ARL5C: variants seen among roughly 807,000 people sequenced by gnomAD.
ARL5C encodes the protein ARF like GTPase 5C.
Under a neutral mutation model 20.8 loss-of-function variants are expected in ARL5C, and 21 were observed. That is an observed-to-expected ratio of 1.01 (90% CI 0.72 to 1.46). The LOEUF (loss-of-function observed/expected upper bound fraction) is 1.46. ARL5C is among the 40% of genes most tolerant of loss of function. The probability of loss-of-function intolerance (pLI) is 0.00; values close to 1 mark genes in which losing one functional copy is unlikely to be tolerated. For missense variants in ARL5C, 199 were observed against 225.1 expected, an observed-to-expected ratio of 0.88 and a Z score of 0.74; for synonymous variants, 71 against 81.6, an observed-to-expected ratio of 0.87 and a Z score of 0.70.
chr17:39,158,925 GC>G lies in ARL5C; in HGVS notation c.491+1665del, dbSNP rs576353366. ...ACTCCTGGCCCCAAGCCATCCTCCT[GC>G]CTCAGACTCTCCAGTAGCTAGAACT... On this transcript the variant is annotated intron_variant, in intron 5 of 5. Coordinates refer to ENST00000269586, the MANE Select transcript of ARL5C (RefSeq NM_001143968.1). 5.8e-4 allele frequency among the ~76,000 whole-genome samples: 87 copies of G among 149,616 alleles called. 1 individual carries two copies. Among genetic ancestry groups the G allele is most frequent in the Middle Eastern group, 3.6e-3 (1 of 280 alleles).
intron 5 of ARL5C, among the ~76,000 whole-genome samples, chr17:39,160,024 T>C (rs1260305064): frequency 6.6e-6 from 1 of 152,122 alleles, no homozygotes; most frequent in Non-Finnish European, 1.5e-5. Flanking sequence ...ATTCTTCACA[T>C]CACTTCTCAG....
At chr17:39,161,425 C>G in intron 3 of ARL5C, 74 bp from the exon 4 acceptor site, 1 of 1,330,802 alleles carries the variant, frequency 7.5e-7, no homozygotes, top group Admixed American at 2.0e-5. Flanking sequence ...CTTTCTTTCC[C>G]CACTGGTCTC....
chr17:39,165,642 G>T, intron 1 of ARL5C, 73 bp downstream of exon 1: 2 of 1,541,252 alleles, frequency 1.3e-6, no homozygotes, highest in South Asian at 1.2e-5. Flanking sequence ...CCGTGCGTCC[G>T]ACCACAGATC....
Position 39,166,088 on chromosome 17 carries a change from G to T in ARL5C, c.-328C>A, listed in dbSNP as rs2045462377. On this transcript the variant is annotated 5_prime_UTR_variant, in exon 1 of 6. Coordinates refer to ENST00000269586, the MANE Select transcript of ARL5C (RefSeq NM_001143968.1). ...GACTGCTCCACTACCGCAAATCAGGGGAGACTCAGCACTGCGCGCGGAACC... is the reference window on the plus strand; with the variant it reads ...GACTGCTCCACTACCGCAAATCAGGTGAGACTCAGCACTGCGCGCGGAACC... 2.6e-6 allele frequency: 1 copy of T among 384,928 alleles called. No homozygotes were observed. The highest frequency in any genetic ancestry group is 2.0e-5 in the African/African-American group (1 of 48,928). The allele number at this position is 384,928 out of a possible 1,614,324, so 23.8% of individuals were successfully genotyped here.
chr17:39,162,288 A>G (rs77513226), intron 3 of ARL5C, among the ~76,000 whole-genome samples: 3,337 of 152,270 alleles, frequency 0.022, 122 homozygotes, highest in African/African-American at 0.077. Flanking sequence ...GGAGATCATT[A>G]TATATATGTA....
intron 2 of ARL5C, 195 bp downstream of exon 2, chr17:39,164,884 G>T: frequency 1.8e-6 from 1 of 565,196 alleles, no homozygotes. Flanking sequence ...AGCTAGGGTT[G>T]CCTGTACGGT....
Position 39,165,136 on chromosome 17 carries a change from T to C in ARL5C, c.50A>G (p.His17Arg), listed in dbSNP as rs1343443566. The part of the protein sequence containing the change: ...KLMSIFGNQE[H>R]TVIIVGLDNE... Reference sequence around the variant, plus strand: ...GTCCAGTCCCACGATGATGACCGTGTGCTCTGGAAGCGTCGGAGGAAGGGC... The same window carrying C: ...GTCCAGTCCCACGATGATGACCGTGCGCTCTGGAAGCGTCGGAGGAAGGGC... The change falls in exon 2 of 6, where the codon CAC (histidine) becomes CGC (arginine). Residue 17 changes from histidine (H) to arginine (R), a missense_variant. By Grantham distance (29) the His-to-Arg change is conservative. Coordinates refer to ENST00000269586, the MANE Select transcript of ARL5C (RefSeq NM_001143968.1). The C allele has an allele frequency of 6.4e-7, 1 of 1,551,364 alleles. No individual in the cohort carries two copies.
chr17:39,165,247 G>A, intron 1 of ARL5C, 108 bp from the exon 2 acceptor site: 1 of 1,132,490 alleles, frequency 8.8e-7, no homozygotes, highest in Non-Finnish European at 1.3e-6. Flanking sequence ...CGCAGGCTGG[G>A]GACCTCTGCC....
chr17:39,165,330 G>A, intron 1 of ARL5C, 191 bp from the exon 2 acceptor site: 2 of 619,896 alleles, frequency 3.2e-6, no homozygotes, highest in Admixed American at 5.7e-5. Context: ...AGACAGCTGA[G>A]CCCCCACCTC....
At chr17:39,159,197 GTT>G (rs35119781) in intron 5 of ARL5C, among the ~76,000 whole-genome samples, 170 of 97,270 alleles carry the variant, frequency 1.7e-3, no homozygotes, top group African/African-American at 6.1e-3. Flanking sequence ...ACATCCAGCG[GTT>G]TTTTTTTTTT....
At chr17:39,165,487 G>C (rs986460266) in intron 1 of ARL5C, 2 of 606,500 alleles carry the variant, frequency 3.3e-6, no homozygotes, top group Non-Finnish European at 5.8e-6. Context: ...TCCGTTTAGC[G>C]GGGAGAAAGG....
chr17:39,165,194 T>G, intron 1 of ARL5C, 55 bp from the exon 2 acceptor site: 1 of 1,527,376 alleles, frequency 6.5e-7, no homozygotes, highest in Non-Finnish European at 8.9e-7. Context: ...ACCAAGGGAC[T>G]GTGTGCCCCC....
intron 3 of ARL5C, among the ~76,000 whole-genome samples, chr17:39,162,206 C>G (rs1597668505): frequency 6.6e-6 from 1 of 152,204 alleles, no homozygotes; most frequent in African/African-American, 2.4e-5. Context: ...CAGGCAGGCA[C>G]TGCACTGTGT....
In ARL5C at chr17:39,162,809, C is replaced by T. The variant is rs1427726919; in HGVS notation, c.157G>A (p.Glu53Lys). ...TGGGTCTTCGGCAGAATGATCTCCT[C>T]CACGTTGCTGCCAATGGTGGGACAC... ...HMCPTIGSNV[E>K]EIILPKTHFF... The change falls in exon 3 of 6, where the codon GAG becomes AAG. Residue 53 changes from glutamate to lysine, a missense_variant. By Grantham distance (56) the Glu-to-Lys change is moderately conservative. Coordinates refer to ENST00000269586, the MANE Select transcript of ARL5C (RefSeq NM_001143968.1). The T allele has an allele frequency of 9.0e-6, 14 of 1,551,484 alleles. No homozygotes were observed. Among genetic ancestry groups the T allele is most frequent in the Non-Finnish European group, 1.1e-5 (13 of 1,146,996 alleles).
chr17:39,159,103 C>G (rs1012768253), intron 5 of ARL5C, among the ~76,000 whole-genome samples: 4 of 123,690 alleles, frequency 3.2e-5, no homozygotes, highest in African/African-American at 1.2e-4. Flanking sequence ...ATGGTCAGAG[C>G]TCAGTGCAGC....
At chr17:39,165,538 C>A in intron 1 of ARL5C, 177 bp downstream of exon 1, 2 of 730,296 alleles carry the variant, frequency 2.7e-6, no homozygotes, top group Non-Finnish European at 4.4e-6. Context: ...ACCGAAGCGC[C>A]GGGACCCAAG....
chr17:39,163,581 G>A (rs1291226096), intron 2 of ARL5C, among the ~76,000 whole-genome samples: 2 of 151,652 alleles, frequency 1.3e-5, no homozygotes, highest in Non-Finnish European at 2.9e-5. Context: ...TTGTAGAAAC[G>A]GGGTTTCGCC....
chr17:39,159,029 T>TTTTTTTG (rs2045421098), intron 5 of ARL5C, among the ~76,000 whole-genome samples: 1 of 120,148 alleles, frequency 8.3e-6, no homozygotes. Context: ...CTTGTTTTTT[T>TTTTTTTG]TTTTTTTTTT....
At chr17:39,159,031 T>C (rs1445561530) in intron 5 of ARL5C, among the ~76,000 whole-genome samples, 4 of 122,416 alleles carry the variant, frequency 3.3e-5, no homozygotes, top group Non-Finnish European at 5.2e-5. Flanking sequence ...TGTTTTTTTT[T>C]TTTTTTTTTT....
Sources: gnomAD v4.1 joint callset for allele counts (sites outside exome capture counted in the v4.1 genomes callset) on GRCh38, gnomAD v4.1.1 for gene constraint, MANE v1.5 for transcripts, NCBI Gene and HGNC (gene_info 2026-07-23, HGNC 2026-07-21) for gene names.